The following ZCCHC14 variants were observed in gnomAD, a reference collection of about 807,000 sequenced individuals.
ZCCHC14 encodes zinc finger CCHC domain-containing protein 14.
In ZCCHC14, 16 loss-of-function variants were observed where a neutral mutation model predicts 85.0. That is an observed-to-expected ratio of 0.19 (90% CI 0.13 to 0.29). The LOEUF is 0.29. ZCCHC14 is among the 10% of genes least tolerant of loss of function. ZCCHC14 has a pLI of 1.00. For missense variants in ZCCHC14, 1,303 were observed against 1,443.5 expected (o/e 0.90, Z 1.58); for synonymous variants, 775 against 630.7 (o/e 1.23, Z -3.43).
chr16:87,423,748 TATC>T, intron 4 of ZCCHC14, 59 bp downstream of exon 4: 1 of 1,577,210 alleles, frequency 6.3e-7, no homozygotes, highest in Non-Finnish European at 8.7e-7. Flanking sequence ...TACTCCGTGG[TATC>T]ATCAGCCACT....
intron 4 of ZCCHC14, among the ~76,000 whole-genome samples, chr16:87,423,227 G>T (rs1567514581): frequency 6.6e-6 from 1 of 152,132 alleles, no homozygotes; most frequent in Non-Finnish European, 1.5e-5. Context: ...CATTTATTTA[G>T]TAGTGGAACT....
In ZCCHC14 at chr16:87,419,660, T is replaced by A. The variant is rs181034300; in HGVS notation, c.1045+123A>T. On this transcript the variant is annotated intron_variant, in intron 6 of 12. Transcript: ENST00000671377. The stretch of plus-strand genomic sequence containing the variant: ...CATGTTGGTCAGGCTGGTCTTGAAC[T>A]CCCAACCTCAGGTGATCCGCCCGCC... 1.4e-4 allele frequency: 101 copies of A among 723,474 alleles called. No homozygotes were observed. In the African/African-American group the frequency reaches 1.7e-3, roughly 12 times the overall value. The allele number at this position is 723,474 out of a possible 1,614,324, so 44.8% of individuals were successfully genotyped here. A position where few individuals can be genotyped will look rare whatever the true frequency, so the allele number is the denominator to read the frequency against.
At chr16:87,462,163 G>A (rs1911294517) in intron 1 of ZCCHC14, among the ~76,000 whole-genome samples, 2 of 148,914 alleles carry the variant, frequency 1.3e-5, no homozygotes, top group South Asian at 4.3e-4. Flanking sequence ...AACTCCTCCA[G>A]AAAGTCAATT....
intron 4 of ZCCHC14, among the ~76,000 whole-genome samples, chr16:87,422,511 G>A (rs762761207): frequency 7.2e-5 from 11 of 151,812 alleles, no homozygotes; most frequent in Non-Finnish European, 1.6e-4. Flanking sequence ...GATCACCTGA[G>A]GTCAGGAGTT....
intron 3 of ZCCHC14, among the ~76,000 whole-genome samples, chr16:87,424,674 G>C (rs916657635): frequency 6.6e-6 from 1 of 152,166 alleles, no homozygotes; most frequent in Non-Finnish European, 1.5e-5. Flanking sequence ...GCTAAACAAA[G>C]CTGACTGAGG....
intron 4 of ZCCHC14, among the ~76,000 whole-genome samples, chr16:87,423,047 G>A (rs1182974827): frequency 6.6e-6 from 1 of 152,208 alleles, no homozygotes; most frequent in Admixed American, 6.5e-5. Flanking sequence ...ATAATGAAAA[G>A]TAAGGCTCTC....
chr16:87,489,468 T>A (rs1012597693), intron 1 of ZCCHC14, among the ~76,000 whole-genome samples: 4 of 152,204 alleles, frequency 2.6e-5, no homozygotes, highest in Non-Finnish European at 4.4e-5. Flanking sequence ...TAAAAAGGAA[T>A]GTTAAAAGCC....
At chr16:87,428,107 C>T (rs1018964790) in intron 3 of ZCCHC14, among the ~76,000 whole-genome samples, 2 of 152,052 alleles carry the variant, frequency 1.3e-5, no homozygotes, top group African/African-American at 4.8e-5. Flanking sequence ...TCCTCAGCAA[C>T]GAGGAACTAG....
intron 1 of ZCCHC14, among the ~76,000 whole-genome samples, chr16:87,487,610 G>C (rs967625386): frequency 1.3e-5 from 2 of 152,242 alleles, no homozygotes; most frequent in African/African-American, 4.8e-5. Context: ...GCCCCGCACC[G>C]ACACGTGCGC....
intron 12 of ZCCHC14, chr16:87,411,295 T>G: frequency 7.2e-7 from 1 of 1,388,758 alleles, no homozygotes; most frequent in Non-Finnish European, 9.6e-7. Flanking sequence ...AAGCACCTTC[T>G]AGAACCAGAG....
At chr16:87,411,469 A>G (rs931349419) in intron 12 of ZCCHC14, 47 bp downstream of exon 12, 3 of 1,600,196 alleles carry the variant, frequency 1.9e-6, no homozygotes, top group Non-Finnish European at 2.6e-6. Flanking sequence ...ATTTGTGTGC[A>G]CTGGTCCTGC....
chr16:87,468,157 TG>T (rs1262280012), intron 1 of ZCCHC14, among the ~76,000 whole-genome samples: 1 of 152,244 alleles, frequency 6.6e-6, no homozygotes, highest in East Asian at 1.9e-4. Flanking sequence ...AAGATTCATG[TG>T]TTTTTTTATA....
intron 1 of ZCCHC14, among the ~76,000 whole-genome samples, chr16:87,485,299 C>A (rs1456207048): frequency 6.6e-6 from 1 of 152,080 alleles, no homozygotes; most frequent in Non-Finnish European, 1.5e-5. Context: ...GTCTTTTAAC[C>A]CAGAACAAAA....
chr16:87,406,563 G>T lies in ZCCHC14; in HGVS notation c.*3717C>A, dbSNP rs964036992. The T allele has an allele frequency of 2.6e-5, 4 of 152,430 alleles. No homozygotes were observed. The highest frequency in any genetic ancestry group is 9.7e-5 in the African/African-American group (4 of 41,424). 9.4% of individuals were successfully genotyped at this position (152,430 alleles called of 1,614,324 possible). On this transcript the variant is annotated 3_prime_UTR_variant, in exon 13 of 13. Coordinates refer to ENST00000671377, the MANE Select transcript of ZCCHC14 (RefSeq NM_015144.3). ...GCTGTGAAGGTATCGAGTACACAAG[G>T]TGTCCAGTTTCAGTACCAAAGCCTT...
rs769316200 is a variant in ZCCHC14 at position 87,460,074 on chromosome 16, G to A, written c.628C>T (p.Leu210=). The A allele has an allele frequency of 2.5e-6, 4 of 1,614,146 alleles. No individual in the cohort carries two copies. The highest frequency in any genetic ancestry group is 1.3e-5 in the African/African-American group (1 of 75,032). Residue 210 remains leucine, a synonymous_variant, in exon 2 of 13, where the codon CTG becomes TTG. Transcript: ENST00000671377. The part of the protein sequence containing the change: ...SSVSNSLENA[L]HTSAHSTEES... ...TCCGTGGAATGTGCTGATGTGTGCAGGGCATTCTCCAAACTATTACTGACA... is the reference window on the plus strand; with the variant it reads ...TCCGTGGAATGTGCTGATGTGTGCAAGGCATTCTCCAAACTATTACTGACA...
intron 2 of ZCCHC14, among the ~76,000 whole-genome samples, chr16:87,445,127 T>C: frequency 6.6e-6 from 1 of 151,436 alleles, no homozygotes; most frequent in African/African-American, 2.4e-5. Flanking sequence ...AGTGCAGCGG[T>C]GTGATATCAG....
At chr16:87,445,568 C>G (rs1005775015) in intron 2 of ZCCHC14, among the ~76,000 whole-genome samples, 1 of 152,136 alleles carries the variant, frequency 6.6e-6, no homozygotes, top group African/African-American at 2.4e-5. Flanking sequence ...TCAGGAATTA[C>G]TTGGTATAGG....
chr16:87,457,701 CAGAG>C (rs960911408), intron 2 of ZCCHC14, among the ~76,000 whole-genome samples: 104 of 152,232 alleles, frequency 6.8e-4, no homozygotes, highest in Middle Eastern at 3.4e-3. Context: ...ACAGAAAAGA[CAGAG>C]AGAAAACTTT....
At chr16:87,464,542 C>A (rs1268226824) in intron 1 of ZCCHC14, among the ~76,000 whole-genome samples, 1 of 152,150 alleles carries the variant, frequency 6.6e-6, no homozygotes, top group Non-Finnish European at 1.5e-5. Flanking sequence ...TCTGCCACAA[C>A]CACAACTGGA....
Sources: gnomAD v4.1 joint callset for allele counts (sites outside exome capture counted in the v4.1 genomes callset) on GRCh38, gnomAD v4.1.1 for gene constraint, MANE v1.5 for transcripts, NCBI Gene and HGNC (gene_info 2026-07-23, HGNC 2026-07-21) for gene names.